The following PCDHGA1 variants were observed in gnomAD, a reference collection of about 807,000 sequenced individuals.
PCDHGA1 encodes the protein protocadherin gamma-A1.
PCDHGA1 carries 32 observed loss-of-function variants against 58.0 expected under a neutral mutation model. The observed-to-expected ratio is 0.55, with a 90% CI of 0.42 to 0.74. PCDHGA1 has a LOEUF of 0.74. Among genes scored for constraint, PCDHGA1 ranks in the 30% least tolerant of loss-of-function variants. The probability of loss-of-function intolerance (pLI) is 0.00; values close to 1 mark genes in which losing one functional copy is unlikely to be tolerated. For missense variants in PCDHGA1, 1,205 were observed against 1,182.3 expected (o/e 1.02, Z -0.28); for synonymous variants, 498 against 501.1 (o/e 0.99, Z 0.08).
rs80129508 is a variant in PCDHGA1 at position 141,369,299 on chromosome 5, C to T, written c.2421+36194C>T. Among the ~76,000 whole-genome samples the T allele has an allele frequency of 3.7e-4, 56 of 152,230 alleles. No homozygotes were observed. In the East Asian group the frequency reaches 0.011, roughly 29 times the overall value. On this transcript the variant is annotated intron_variant, in intron 1 of 3. Coordinates refer to ENST00000517417, the MANE Select transcript of PCDHGA1 (RefSeq NM_018912.3). ...TCACTCCCCAATCCTAATAACGCAT[C>T]ATTGTTAGGCTACTTGAGAAGAAAC...
At chr5:141,407,314 T>G (rs2094914230) in intron 1 of PCDHGA1, among the ~76,000 whole-genome samples, 1 of 152,212 alleles carries the variant, frequency 6.6e-6, no homozygotes, top group Non-Finnish European at 1.5e-5. Flanking sequence ...CCTTCATACT[T>G]AGTATTTATA....
rs553860713 is a variant in PCDHGA1, at chr5:141,410,124, G to C, written c.2421+77019G>C. On this transcript the variant is annotated intron_variant, in intron 1 of 3. Coordinates refer to ENST00000517417, the MANE Select transcript of PCDHGA1 (RefSeq NM_018912.3). ...GGCGACAGGGACGCAGCCCGCCAGC[G>C]CCTGCTGGTCGCTGTGCGTGACGGT... is the stretch of plus-strand genomic sequence containing the variant. 1.2e-5 allele frequency: 20 copies of C among 1,612,726 alleles called. No homozygotes were observed. In the South Asian group the frequency reaches 2.2e-4, roughly 18 times the overall value.
At chr5:141,383,483 T>A (rs1779176353) in intron 1 of PCDHGA1, 1 of 1,613,378 alleles carries the variant, frequency 6.2e-7, no homozygotes, top group Non-Finnish European at 8.5e-7. Flanking sequence ...CCGGAACTGG[T>A]GCTGGAGCGG....
intron 1 of PCDHGA1, chr5:141,392,827 A>G: frequency 2.5e-6 from 4 of 1,601,944 alleles, no homozygotes; most frequent in Non-Finnish European, 3.4e-6. Flanking sequence ...GCCGCTCCAC[A>G]GAGTCGCCCC....
At chr5:141,419,797 A>G (rs371201079) in intron 1 of PCDHGA1, 14 of 1,613,920 alleles carry the variant, frequency 8.7e-6, no homozygotes, top group Non-Finnish European at 1.1e-5. Flanking sequence ...TAGTCGCTGT[A>G]AGAGATGGAG....
At chr5:141,413,531 A>G (rs1472068242) in intron 1 of PCDHGA1, 6 of 1,613,818 alleles carry the variant, frequency 3.7e-6, no homozygotes, top group Non-Finnish European at 5.1e-6. Flanking sequence ...GACAGGGTGA[A>G]ACTTTTTGGG....
At chr5:141,417,702 A>G (rs2096149298) in intron 1 of PCDHGA1, 2 of 1,199,336 alleles carry the variant, frequency 1.7e-6, no homozygotes, top group Non-Finnish European at 1.1e-6. Context: ...CAGCTCCCAC[A>G]CAGAGGCTCC....
intron 1 of PCDHGA1, chr5:141,343,245 G>A (rs1332071008): frequency 2.6e-5 from 24 of 922,118 alleles, no homozygotes; most frequent in Non-Finnish European, 3.0e-5. Context: ...AACAAATATC[G>A]AAACTAAGTT....
At chr5:141,357,966 G>A (rs1480314372) in intron 1 of PCDHGA1, among the ~76,000 whole-genome samples, 1 of 152,168 alleles carries the variant, frequency 6.6e-6, no homozygotes, top group African/African-American at 2.4e-5. Flanking sequence ...GAGGAGGACG[G>A]ATTGCCTGAG....
intron 1 of PCDHGA1, among the ~76,000 whole-genome samples, chr5:141,354,039 G>A (rs1054364737): frequency 1.4e-4 from 22 of 152,148 alleles, no homozygotes; most frequent in Admixed American, 1.3e-3. Context: ...GAAAGCGATG[G>A]CACATGCAAT....
chr5:141,345,566 T>A, intron 1 of PCDHGA1: 1 of 1,614,182 alleles, frequency 6.2e-7, no homozygotes, highest in Non-Finnish European at 8.5e-7. Flanking sequence ...ACTCCAACAC[T>A]GGCGTCCTAT....
At chr5:141,454,837 G>A (rs1269424734) in intron 1 of PCDHGA1, among the ~76,000 whole-genome samples, 4 of 90,354 alleles carry the variant, frequency 4.4e-5, no homozygotes, top group East Asian at 6.5e-4. Flanking sequence ...AGACAGAGTC[G>A]CGCTCTGTCA....
At chr5:141,361,308 G>A (rs1442335405) in intron 1 of PCDHGA1, 3 of 1,613,964 alleles carry the variant, frequency 1.9e-6, no homozygotes, top group East Asian at 2.2e-5. Flanking sequence ...GAAATGCCAA[G>A]TTTATTTTGA....
intron 1 of PCDHGA1, chr5:141,340,355 C>T (rs141458338): frequency 6.2e-7 from 1 of 1,614,076 alleles, no homozygotes; most frequent in Non-Finnish European, 8.5e-7. Context: ...CACCTACATT[C>T]CCGAAAACAA....
chr5:141,374,376 A>G (rs1770434456), intron 1 of PCDHGA1: 8 of 1,613,952 alleles, frequency 5.0e-6, no homozygotes, highest in Non-Finnish European at 6.8e-6. Context: ...CTCTGTGCTC[A>G]GAGCCCGCGG....
At chr5:141,381,826 C>CTTT (rs770630741) in intron 1 of PCDHGA1, among the ~76,000 whole-genome samples, 5,488 of 73,990 alleles carry the variant, frequency 0.074, 263 homozygotes, top group Admixed American at 0.16. Context: ...CTTTCTTCTT[C>CTTT]TTTTTTTTTT....
At chr5:141,390,385 C>A in intron 1 of PCDHGA1, 1 of 1,430,582 alleles carries the variant, frequency 7.0e-7, no homozygotes, top group Non-Finnish European at 9.5e-7. Context: ...TTTTAGATGT[C>A]ATGGATCATT....
chr5:141,451,284 G>A (rs950768919), intron 1 of PCDHGA1, among the ~76,000 whole-genome samples: 1 of 152,186 alleles, frequency 6.6e-6, no homozygotes. Context: ...GAGTGCCTCT[G>A]CCTCAAAGTC....
rs752837336 is a variant in PCDHGA1 at position 141,371,945 on chromosome 5, G to A, written c.2421+38840G>A. On this transcript the variant is annotated intron_variant, in intron 1 of 3. Transcript: ENST00000517417. ...CGCGGAGCGGGGTGGTGTTCGCGCAGCGAGCCTTCGACCACGAGCAGCTGC... is the reference window on the plus strand; with the variant it reads ...CGCGGAGCGGGGTGGTGTTCGCGCAACGAGCCTTCGACCACGAGCAGCTGC... 6 of 1,613,298 alleles carry A rather than the reference G, an allele frequency of 3.7e-6. No homozygotes were observed. In the Admixed American group the frequency reaches 5.0e-5, roughly 13 times the overall value.
Sources: gnomAD v4.1 joint callset for allele counts (sites outside exome capture counted in the v4.1 genomes callset) on GRCh38, gnomAD v4.1.1 for gene constraint, MANE v1.5 for transcripts, NCBI Gene and HGNC (gene_info 2026-07-23, HGNC 2026-07-21) for gene names.